Variants in ESR1 observed in about 807,000 individuals in gnomAD.
ESR1 encodes estrogen receptor.
A neutral mutation model predicts 52.7 loss-of-function variants in ESR1; 12 were observed. That is an observed-to-expected ratio of 0.23 (90% CI 0.15 to 0.37). The LOEUF (loss-of-function observed/expected upper bound fraction) is 0.37. ESR1 is among the 10% of genes least tolerant of loss of function. ESR1 has a pLI of 1.00. For synonymous variants in ESR1, 305 were observed against 316.8 expected (o/e 0.96, Z 0.39); for missense variants, 584 against 779.7 (o/e 0.75, Z 2.99).
intron 2 of ESR1, among the ~76,000 whole-genome samples, chr6:151,744,934 C>T: frequency 6.6e-6 from 1 of 152,150 alleles, no homozygotes; most frequent in East Asian, 1.9e-4. Context: ...ATGTGGCTAT[C>T]CAGTTGTCCG....
chr6:151,669,173 A>AGGAGAGAGAGAGAGGGAGAG (rs1458352214), intron 1 of ESR1, among the ~76,000 whole-genome samples: 3 of 122,700 alleles, frequency 2.4e-5, no homozygotes, highest in African/African-American at 1.0e-4. Context: ...AGAGAGAGAG[A>AGGAGAGAGAGAGAGGGAGAG]GAGAGAGAGA....
intron 2 of ESR1, among the ~76,000 whole-genome samples, chr6:151,871,817 G>A (rs755915524): frequency 1.3e-5 from 2 of 152,150 alleles, no homozygotes; most frequent in African/African-American, 2.4e-5. Context: ...CGTCATGTAA[G>A]TGCATCTATG....
intron 2 of ESR1, among the ~76,000 whole-genome samples, chr6:151,781,295 G>T (rs796974322): frequency 3.3e-5 from 5 of 152,314 alleles, no homozygotes; most frequent in South Asian, 4.1e-4. Context: ...CTGGCATCTG[G>T]CAAGGGCCTT....
chr6:151,815,398 T>G, intron 1 of ESR1, among the ~76,000 whole-genome samples: 1 of 152,226 alleles, frequency 6.6e-6, no homozygotes, highest in Non-Finnish European at 1.5e-5. Flanking sequence ...CATCTCTTCT[T>G]CATTGCTGTA....
chr6:151,910,653 C>G lies in ESR1; in HGVS notation c.760+29882C>G, dbSNP rs77048509. On this transcript the variant is annotated intron_variant, in intron 3 of 7. Coordinates refer to ENST00000206249, the MANE Select transcript of ESR1 (RefSeq NM_000125.4). ...GTTAATGGGCCAATTTCTAAATATT[C>G]CTGTCAAATTGTATAGCCATTGTTT... Among the ~76,000 whole-genome samples, 1,206 of 152,166 alleles carry G rather than the reference C, an allele frequency of 7.9e-3. 23 individuals carry two copies. The highest frequency in any genetic ancestry group is 0.028 in the African/African-American group (1,166 of 41,494).
rs750209771 is a variant in ESR1, at chr6:151,807,892, C to A, written c.-21C>A. ...CTGCCCTGCGGGGACACGGTCTGCA[C>A]CCTGCCCGCGGCCACGGACCATGAC... is the stretch of plus-strand genomic sequence containing the variant. On this transcript the variant is annotated 5_prime_UTR_variant, in exon 1 of 8. Transcript: ENST00000206249. 13 of 1,609,150 alleles carry A rather than the reference C, an allele frequency of 8.1e-6. No individual in the cohort carries two copies. The highest frequency in any genetic ancestry group is 2.7e-5 in the African/African-American group (2 of 74,816).
intron 2 of ESR1, among the ~76,000 whole-genome samples, chr6:151,702,495 G>T (rs1354353479): frequency 6.6e-6 from 1 of 152,128 alleles, no homozygotes; most frequent in African/African-American, 2.4e-5. Context: ...ATGTGAGTGT[G>T]CTTTTAATTT....
chr6:151,708,041 A>G (rs978408706), intron 2 of ESR1, among the ~76,000 whole-genome samples: 3 of 152,112 alleles, frequency 2.0e-5, no homozygotes, highest in African/African-American at 4.8e-5. Flanking sequence ...CACAGAAACC[A>G]ACAAATACAG....
chr6:151,961,177 G>A (rs2037614813), intron 4 of ESR1, among the ~76,000 whole-genome samples: 1 of 152,062 alleles, frequency 6.6e-6, no homozygotes, highest in South Asian at 2.1e-4. Flanking sequence ...AATGAGATTA[G>A]CAAAGTAGTG....
chr6:152,114,822 C>T (rs1314139148), intron 6 of ESR1, among the ~76,000 whole-genome samples: 1 of 125,736 alleles, frequency 8.0e-6, no homozygotes, highest in Non-Finnish European at 1.6e-5. Context: ...ACCCGGGAGG[C>T]GGAGCTTGCA....
intron 4 of ESR1, among the ~76,000 whole-genome samples, chr6:151,949,139 C>T (rs145456215): frequency 0.013 from 1,945 of 152,234 alleles, 18 homozygotes; most frequent in Non-Finnish European, 0.02. Context: ...ATTCTATTTC[C>T]ATTTCCAATC....
chr6:151,956,695 G>C (rs955496584), intron 4 of ESR1, among the ~76,000 whole-genome samples: 3 of 151,334 alleles, frequency 2.0e-5, no homozygotes, highest in Admixed American at 6.6e-5. Context: ...TGTTTAAAGA[G>C]TTGTATCATT....
chr6:152,122,031 A>G, intron 6 of ESR1: 1 of 278,288 alleles, frequency 3.6e-6, no homozygotes, highest in South Asian at 4.3e-5. Flanking sequence ...TACGACACTG[A>G]CATGGTGCTT....
intron 1 of ESR1, among the ~76,000 whole-genome samples, chr6:151,700,353 C>T (rs1779677785): frequency 1.3e-5 from 2 of 152,016 alleles, no homozygotes; most frequent in African/African-American, 4.8e-5. Flanking sequence ...ACTTAAAATT[C>T]TGAGGCTCTG....
At position 152,100,288 on chromosome 6, in the gene ESR1, G is replaced by T. The variant is rs2050917999; in HGVS notation, c.*1322G>T. On this transcript the variant is annotated 3_prime_UTR_variant, in exon 8 of 8. Coordinates refer to ENST00000206249, the MANE Select transcript of ESR1 (RefSeq NM_000125.4). Reference sequence around the variant, plus strand: ...CCAGCACCCTGGGGCACGGGAGAAGGGTGGGGACCGTTGCTGTCACTACTC... The same window carrying T: ...CCAGCACCCTGGGGCACGGGAGAAGTGTGGGGACCGTTGCTGTCACTACTC... 2.6e-6 allele frequency: 1 copy of T among 391,638 alleles called. No homozygotes were observed. Among genetic ancestry groups the T allele is most frequent in the Admixed American group, 4.4e-5 (1 of 22,474 alleles). The allele number at this position is 391,638 out of a possible 1,614,324, so 24.3% of individuals were successfully genotyped here.
At chr6:151,842,444 T>C (rs970247484) in intron 1 of ESR1, among the ~76,000 whole-genome samples, 153 bp from the exon 2 acceptor site, 1 of 152,224 alleles carries the variant, frequency 6.6e-6, no homozygotes, top group African/African-American at 2.4e-5. Context: ...CAACACCTTT[T>C]GCTGCAACAG....
chr6:151,851,815 G>A (rs116621141), intron 2 of ESR1, among the ~76,000 whole-genome samples: 11,003 of 152,044 alleles, frequency 0.072, 789 homozygotes, highest in East Asian at 0.24. Context: ...GGCGTGAGCC[G>A]CCGCACCCGG....
intron 1 of ESR1, among the ~76,000 whole-genome samples, chr6:151,821,906 A>G (rs185543895): frequency 1.9e-4 from 29 of 152,328 alleles, no homozygotes; most frequent in Non-Finnish European, 3.4e-4. Context: ...TTTAATAAGA[A>G]TGGCAATTGA....
upstream of ESR1, among the ~76,000 whole-genome samples, chr6:151,803,396 T>C (rs988576854): frequency 6.6e-6 from 1 of 151,914 alleles, no homozygotes; most frequent in Non-Finnish European, 1.5e-5. Context: ...GCCAAGAAAG[T>C]GGGGATTTAA....
Sources: allele counts gnomAD v4.1 joint callset (sites outside exome capture counted in the v4.1 genomes callset), GRCh38; gene constraint gnomAD v4.1.1; transcripts MANE v1.5; gene names NCBI Gene and HGNC (gene_info 2026-07-23, HGNC 2026-07-21).